Variants in PROCR observed in about 807,000 individuals in gnomAD.
PROCR encodes endothelial protein C receptor.
In PROCR, 22 loss-of-function variants were observed where a neutral mutation model predicts 24.2. That is an observed-to-expected ratio of 0.91 (90% CI 0.65 to 1.30). The LOEUF is 1.30. PROCR is among the 50% of genes most tolerant of loss of function. PROCR has a pLI of 0.00. For missense variants in PROCR, 288 were observed against 307.7 expected (o/e 0.94, Z 0.48); for synonymous variants, 137 against 139.2 (o/e 0.98, Z 0.11).
At chr20:35,194,921 T>C (rs1372116944) in intron 1 of PROCR, among the ~76,000 whole-genome samples, 2 of 152,192 alleles carry the variant, frequency 1.3e-5, no homozygotes, top group East Asian at 3.8e-4. Context: ...ATGGGCAAGA[T>C]ACAATCCAAA....
rs1600733724 is a variant in PROCR, at chr20:35,175,048, G to A, written c.322+95G>A. 8 of 1,113,242 alleles carry A rather than the reference G, an allele frequency of 7.2e-6. No homozygotes were observed. In the East Asian group the frequency reaches 2.0e-4, roughly 27 times the overall value. 69.0% of individuals were successfully genotyped at this position (1,113,242 alleles called of 1,614,324 possible). A position where few individuals can be genotyped will look rare whatever the true frequency, so the allele number is the denominator to read the frequency against. Reference sequence around the variant, plus strand: ...GGGGCCTGGCGGATGGAGGCGGGCTGGGACTTGCAGGGACCCGGCAGCCAC... The same window carrying A: ...GGGGCCTGGCGGATGGAGGCGGGCTAGGACTTGCAGGGACCCGGCAGCCAC... On this transcript the variant is annotated intron_variant, in intron 2 of 3. Transcript: ENST00000216968.
chr20:35,211,920 A>G (rs1026022546), intron 1 of PROCR, among the ~76,000 whole-genome samples: 1 of 151,942 alleles, frequency 6.6e-6, no homozygotes, highest in African/African-American at 2.4e-5. Flanking sequence ...GGAGACTGAG[A>G]GCAGGAGAAT....
downstream of PROCR, among the ~76,000 whole-genome samples, chr20:35,182,035 A>G (rs1035944018): frequency 2.0e-5 from 3 of 152,218 alleles, no homozygotes; most frequent in African/African-American, 7.2e-5. Context: ...TTTGTTCAAG[A>G]GTCAATATCC....
At chr20:35,194,545 C>G (rs2086200170) in intron 1 of PROCR, among the ~76,000 whole-genome samples, 1 of 152,150 alleles carries the variant, frequency 6.6e-6, no homozygotes, top group South Asian at 2.1e-4. Flanking sequence ...AGATCATGGA[C>G]AGTTCCTCTA....
intron 2 of PROCR, among the ~76,000 whole-genome samples, chr20:35,175,767 G>A (rs1446819768): frequency 3.3e-5 from 5 of 151,586 alleles, no homozygotes; most frequent in Non-Finnish European, 7.4e-5. Context: ...TGTATTTTTA[G>A]TAGAGACGGG....
At chr20:35,171,777 G>T (rs1568589004), upstream of PROCR, among the ~76,000 whole-genome samples, 1 of 152,062 alleles carries the variant, frequency 6.6e-6, no homozygotes, top group Non-Finnish European at 1.5e-5. Context: ...TAAGTTGAAA[G>T]TAGATGCCCC....
chr20:35,200,937 T>G (rs1220645074), intron 1 of PROCR, among the ~76,000 whole-genome samples: 3 of 152,190 alleles, frequency 2.0e-5, no homozygotes, highest in Non-Finnish European at 2.9e-5. Flanking sequence ...TGTGAGCCAC[T>G]GCACCCGGCC....
chr20:35,174,549 C>T, intron 1 of PROCR, 153 bp from the exon 2 acceptor site: 1 of 913,314 alleles, frequency 1.1e-6, no homozygotes, highest in Admixed American at 1.8e-5. Context: ...GAGTTACTGT[C>T]AGCGTCAAAC....
chr20:35,195,403 G>A (rs991395995), intron 1 of PROCR: 1 of 152,116 alleles, frequency 6.6e-6, no homozygotes, highest in Non-Finnish European at 1.5e-5. Flanking sequence ...GACCACCTGG[G>A]AATACTGGGT....
chr20:35,173,714 G>C (rs371480947), intron 1 of PROCR, among the ~76,000 whole-genome samples: 1 of 152,040 alleles, frequency 6.6e-6, no homozygotes, highest in Non-Finnish European at 1.5e-5. Context: ...ACAGGCATGA[G>C]CCACCGCGCC....
chr20:35,206,491 A>G lies in PROCR; in HGVS notation c.95-9402A>G, dbSNP rs1163161539. Among the ~76,000 whole-genome samples, 4 of 151,536 alleles carry G rather than the reference A, an allele frequency of 2.6e-5. No homozygotes were observed. The South Asian group carries it at 8.3e-4, about 32-fold the overall frequency. ...CTCTATCTCAAAAAAAAAAAAAAAA[A>G]AAAAAACTCTCAAAACTCAGAAATA... On this transcript the variant is annotated intron_variant, in intron 1 of 1. Coordinates refer to the PROCR transcript ENST00000634509.
intron 1 of PROCR, among the ~76,000 whole-genome samples, chr20:35,214,866 C>G (rs970756794): frequency 6.6e-6 from 1 of 151,324 alleles, no homozygotes; most frequent in South Asian, 2.1e-4. Flanking sequence ...AACAATCAGA[C>G]CTTTTCCTTC....
chr20:35,209,979 T>C (rs1039494196), intron 1 of PROCR, among the ~76,000 whole-genome samples: 10 of 152,164 alleles, frequency 6.6e-5, no homozygotes, highest in African/African-American at 2.4e-4. Flanking sequence ...GTAATCCAAA[T>C]GTTTTGGGAG....
chr20:35,172,088 G>C lies in PROCR; in HGVS notation c.-67G>C. On this transcript the variant is annotated 5_prime_UTR_variant, in exon 1 of 4. Transcript: ENST00000216968. Reference sequence around the variant, plus strand: ...ACGGTCCTCACTTCTCTTTTCCCTAGACTGCAGCCAGCGGAGCCCGCAGCC... The same window carrying C: ...ACGGTCCTCACTTCTCTTTTCCCTACACTGCAGCCAGCGGAGCCCGCAGCC... The C allele has an allele frequency of 6.7e-7, 1 of 1,494,630 alleles. No individual in the cohort carries two copies. Among genetic ancestry groups the C allele is most frequent in the African/African-American group, 1.4e-5 (1 of 72,516 alleles). 92.6% of individuals were successfully genotyped at this position (1,494,630 alleles called of 1,614,324 possible).
intron 1 of PROCR, among the ~76,000 whole-genome samples, chr20:35,205,766 T>TATATATATATAC (rs1467094302): frequency 4.4e-5 from 2 of 45,204 alleles, no homozygotes; most frequent in African/African-American, 1.2e-4. Context: ...TATATATATA[T>TATATATATATAC]ATATATATAT....
intron 1 of PROCR, among the ~76,000 whole-genome samples, chr20:35,186,663 A>G (rs1057330774): frequency 6.6e-6 from 1 of 151,944 alleles, no homozygotes; most frequent in Non-Finnish European, 1.5e-5. Context: ...AGAATAGGCA[A>G]TCTGACCAGG....
chr20:35,183,551 T>C (rs570062744), intron 1 of PROCR, among the ~76,000 whole-genome samples: 148 of 152,328 alleles, frequency 9.7e-4, no homozygotes, highest in African/African-American at 3.5e-3. Flanking sequence ...TCTTTTCTTT[T>C]ATAAATTAGC....
chr20:35,174,708 A>G lies in PROCR; in HGVS notation c.77A>G (p.Gln26Arg), dbSNP rs2085988545. 3 of 1,613,930 alleles carry G rather than the reference A, an allele frequency of 1.9e-6. No individual in the cohort carries two copies. Among genetic ancestry groups the G allele is most frequent in the African/African-American group, 1.3e-5 (1 of 74,986 alleles). The change falls in exon 2 of 4, where the codon CAA becomes CGA. Residue 26 changes from glutamine to arginine, a missense_variant. Gln to Arg is a conservative substitution (Grantham distance 43). Coordinates refer to ENST00000216968, the MANE Select transcript of PROCR (RefSeq NM_006404.5). ...FCSQDASDGLQRLHMLQISYF... is the reference protein window; with the variant it reads ...FCSQDASDGLRRLHMLQISYF... The stretch of plus-strand genomic sequence containing the variant: ...AAGCTGACTCTGCCCGCAGGCCTCC[A>G]AAGACTTCATATGCTCCAGATCTCC...
chr20:35,178,473 C>A, downstream of PROCR, among the ~76,000 whole-genome samples: 1 of 74,182 alleles, frequency 1.3e-5, no homozygotes, highest in Admixed American at 1.4e-4. Context: ...AGTTTTACTT[C>A]TTTGAACTAG....
Sources: gnomAD v4.1 joint callset for allele counts (sites outside exome capture counted in the v4.1 genomes callset) on GRCh38, gnomAD v4.1.1 for gene constraint, MANE v1.5 for transcripts, NCBI Gene and HGNC (gene_info 2026-07-23, HGNC 2026-07-21) for gene names.